The following PLAT variants were observed in gnomAD, a reference collection of about 807,000 sequenced individuals.
PLAT encodes tissue-type plasminogen activator.
In PLAT, 48 loss-of-function variants were observed where a neutral mutation model predicts 74.9. That is an observed-to-expected ratio of 0.64 (90% CI 0.51 to 0.82). The LOEUF (loss-of-function observed/expected upper bound fraction) is 0.82, where lower values mean the gene tolerates loss of function less well. Ranked by LOEUF, PLAT falls within the 40% of genes least tolerant of loss-of-function variation. The probability of loss-of-function intolerance (pLI) is 0.00; values close to 1 mark genes in which losing one functional copy is unlikely to be tolerated. For missense variants in PLAT, 673 were observed against 736.2 expected (o/e 0.91, Z 0.99); for synonymous variants, 307 against 294.4 (o/e 1.04, Z -0.44).
intron 1 of PLAT, chr8:42,193,715 C>CTTTTT (rs59602216): frequency 1.4e-5 from 2 of 147,414 alleles, no homozygotes; most frequent in Non-Finnish European, 1.5e-5. Flanking sequence ...GTAGCATGTC[C>CTTTTT]TTTTTTTTTT....
At chr8:42,206,765 A>G (rs1402898454) in intron 1 of PLAT, 1 of 152,244 alleles carries the variant, frequency 6.6e-6, no homozygotes, top group Non-Finnish European at 1.5e-5. Context: ...CTTCCTGCAG[A>G]GTGCTTTAGG....
At position 42,187,457 on chromosome 8, in the gene PLAT, G is replaced by C; in HGVS notation, c.480C>G (p.Pro160=). 1 of 1,606,626 alleles carries C rather than the reference G, an allele frequency of 6.2e-7. No homozygotes were observed. The highest frequency in any genetic ancestry group is 1.1e-5 in the South Asian group (1 of 91,032). ...NWNSSALAQK[P]YSGRRPDAIR... ...TGGCGTCTGGCCTCCGCCCGCTGTA[G>C]GGCTTCTGGGCCAACGCGCTGCTGT... The change falls in exon 6 of 14, where the codon CCC becomes CCG. Residue 160 remains proline (P), a synonymous_variant. Transcript: ENST00000220809.
chr8:42,185,738 C>T (rs186424677), intron 6 of PLAT: 7 of 152,322 alleles, frequency 4.6e-5, no homozygotes, highest in African/African-American at 1.7e-4. Context: ...GCTGTGGCAC[C>T]CAGTCAGTTA....
At chr8:42,177,894 G>C (rs928404375) in intron 13 of PLAT, among the ~76,000 whole-genome samples, 1 of 152,136 alleles carries the variant, frequency 6.6e-6, no homozygotes, top group Non-Finnish European at 1.5e-5. Context: ...CCAGAGCCTG[G>C]CCTCACTTCT....
At chr8:42,196,894 G>A (rs867283481) in intron 1 of PLAT, among the ~76,000 whole-genome samples, 1 of 151,844 alleles carries the variant, frequency 6.6e-6, no homozygotes, top group Non-Finnish European at 1.5e-5. Flanking sequence ...AGGCACAGAA[G>A]GATAGAAAAG....
chr8:42,207,064 G>A (rs934963095), intron 1 of PLAT, among the ~76,000 whole-genome samples: 1 of 152,168 alleles, frequency 6.6e-6, no homozygotes, highest in Non-Finnish European at 1.5e-5. Flanking sequence ...GGGTTCATCG[G>A]GGGAGGGAGG....
At chr8:42,185,001 G>T in intron 7 of PLAT, 80 bp downstream of exon 7, 2 of 884,992 alleles carry the variant, frequency 2.3e-6, no homozygotes, top group Non-Finnish European at 3.5e-6. Context: ...CCCCTCAGGT[G>T]CAGGAGGGCT....
intron 9 of PLAT, 122 bp downstream of exon 9, chr8:42,181,815 C>G (rs1805252513): frequency 3.1e-6 from 2 of 651,088 alleles, no homozygotes; most frequent in Non-Finnish European, 5.5e-6. Flanking sequence ...CCTCCCCACC[C>G]AGCCTGGAAG....
chr8:42,178,151 A>G (rs1805044688), intron 13 of PLAT, among the ~76,000 whole-genome samples: 1 of 152,126 alleles, frequency 6.6e-6, no homozygotes, highest in Admixed American at 6.5e-5. Context: ...GAGTTTTGAA[A>G]ACTTCTTTCT....
rs765577929 is a variant in PLAT, at chr8:42,185,126, C to T, written c.586G>A (p.Gly196Arg). 6.7e-5 allele frequency: 108 copies of T among 1,612,358 alleles called. No individual in the cohort carries two copies. Among genetic ancestry groups the T allele is most frequent in the Non-Finnish European group, 8.8e-5 (104 of 1,179,424 alleles). Residue 196 changes from glycine to arginine, a missense_variant, in exon 7 of 14, where the codon GGG becomes AGG. Gly to Arg is a moderately radical substitution (Grantham distance 125). Coordinates refer to ENST00000220809, the MANE Select transcript of PLAT (RefSeq NM_000930.5). ...CTGCAGAACTCTGAGCTGTACTTCC[C>T]CGCCTTAAAGACGTAGCACCAGGGC... is the stretch of plus-strand genomic sequence containing the variant. ...SKPWCYVFKA[G>R]KYSSEFCSTP...
At chr8:42,199,877 A>C (rs1193739250) in intron 1 of PLAT, among the ~76,000 whole-genome samples, 1 of 152,230 alleles carries the variant, frequency 6.6e-6, no homozygotes, top group African/African-American at 2.4e-5. Flanking sequence ...TTCCGTGATG[A>C]AGGTCGTTCG....
chr8:42,200,712 A>G (rs1806097297), intron 1 of PLAT, among the ~76,000 whole-genome samples: 1 of 149,546 alleles, frequency 6.7e-6, no homozygotes, highest in South Asian at 2.1e-4. Context: ...GTCGTGCTGT[A>G]CGGTGACACA....
At chr8:42,191,517 C>T in intron 2 of PLAT, 103 bp from the exon 3 acceptor site, 4 of 994,514 alleles carry the variant, frequency 4.0e-6, no homozygotes, top group Non-Finnish European at 6.4e-6. Flanking sequence ...GGCCAGATAC[C>T]TCTGCTCAGA....
Position 42,187,776 on chromosome 8 carries a change from G to A in PLAT, c.364+130C>T, listed in dbSNP as rs953923548. The A allele has an allele frequency of 5.2e-6, 4 of 767,522 alleles. No homozygotes were observed. In the African/African-American group the frequency reaches 5.2e-5, roughly 10 times the overall value. 47.5% of individuals were successfully genotyped at this position (767,522 alleles called of 1,614,324 possible). ...TGTGGCACTGTGCTTCCTGACCCATGGCAGAAGCGCCTTCCCTGTCCCTGG... is the reference window on the plus strand; with the variant it reads ...TGTGGCACTGTGCTTCCTGACCCATAGCAGAAGCGCCTTCCCTGTCCCTGG... On this transcript the variant is annotated intron_variant, in intron 5 of 13. Coordinates refer to ENST00000220809, the MANE Select transcript of PLAT (RefSeq NM_000930.5).
intron 7 of PLAT, among the ~76,000 whole-genome samples, chr8:42,183,786 G>C (rs1177269972): frequency 1.3e-5 from 2 of 152,106 alleles, no homozygotes; most frequent in Admixed American, 1.3e-4. Context: ...CATGGGGGAT[G>C]GGGAGGATAT....
intron 3 of PLAT, 142 bp downstream of exon 3, chr8:42,191,230 T>C: frequency 2.8e-6 from 2 of 721,852 alleles, no homozygotes; most frequent in Non-Finnish European, 5.0e-6. Context: ...CAGGCATCTC[T>C]GTAGAATCAT....
intron 13 of PLAT, among the ~76,000 whole-genome samples, chr8:42,177,275 T>A (rs1434677025): frequency 6.6e-6 from 1 of 152,228 alleles, no homozygotes; most frequent in Non-Finnish European, 1.5e-5. Flanking sequence ...TTATATCAAT[T>A]AGCTGGTGGT....
intron 2 of PLAT, 151 bp from the exon 3 acceptor site, chr8:42,191,565 T>C: frequency 1.4e-6 from 1 of 689,812 alleles, no homozygotes; most frequent in South Asian, 1.6e-5. Flanking sequence ...AAAGTCCATC[T>C]CCTGCCTTCT....
In PLAT at chr8:42,182,851, C is replaced by T. The variant is rs139316969; in HGVS notation, c.671G>A (p.Arg224His). The stretch of plus-strand genomic sequence containing the variant: ...CGACTCGGTGAGGCTGTGCGTGCCA[C>T]GGTAGGCTGACCCATTCCCAAAGTA... ...DCYFGNGSAY[R>H]GTHSLTESGA... Residue 224 changes from arginine to histidine, a missense_variant, in exon 8 of 14, where the codon CGT becomes CAT. Coordinates refer to ENST00000220809, the MANE Select transcript of PLAT (RefSeq NM_000930.5). 1.6e-4 allele frequency: 261 copies of T among 1,613,598 alleles called. 1 individual carries two copies. Among genetic ancestry groups the T allele is most frequent in the Admixed American group, 8.5e-4 (51 of 59,880 alleles).
Sources: allele counts gnomAD v4.1 joint callset (sites outside exome capture counted in the v4.1 genomes callset), GRCh38; gene constraint gnomAD v4.1.1; transcripts MANE v1.5; gene names NCBI Gene and HGNC (gene_info 2026-07-23, HGNC 2026-07-21).